The following SLC41A3 variants were observed in gnomAD, a reference collection of about 807,000 sequenced individuals.
The protein encoded by SLC41A3 is SLC41A1-like 2.
A neutral mutation model predicts 45.4 loss-of-function variants in SLC41A3; 44 were observed. That is an observed-to-expected ratio of 0.97 (90% CI 0.76 to 1.25). SLC41A3 has a LOEUF of 1.25. Among genes scored for constraint, SLC41A3 ranks in the 50% most tolerant of loss-of-function variants. SLC41A3 has a pLI of 0.00. For synonymous variants in SLC41A3, 256 were observed against 252.4 expected, an observed-to-expected ratio of 1.01 and a Z score of -0.13; for missense variants, 550 against 600.6, an observed-to-expected ratio of 0.92 and a Z score of 0.88.
chr3:126,070,834 A>AT (rs34899504), intron 1 of SLC41A3, among the ~76,000 whole-genome samples: 4,134 of 148,638 alleles, frequency 0.028, 168 homozygotes, highest in African/African-American at 0.092. Context: ...ACCTAGACAG[A>AT]TTTTTTTTTT....
intron 2 of SLC41A3, among the ~76,000 whole-genome samples, chr3:126,061,873 C>A (rs1419573465): frequency 6.6e-6 from 1 of 152,170 alleles, no homozygotes; most frequent in Non-Finnish European, 1.5e-5. Context: ...TCATCTCCTC[C>A]CACCCTAAAG....
At position 126,056,853 on chromosome 3, in the gene SLC41A3, C is replaced by T. The variant is rs933360153; in HGVS notation, c.274-5803G>A. On this transcript the variant is annotated intron_variant, in intron 2 of 10. Coordinates refer to ENST00000360370, the MANE Select transcript of SLC41A3 (RefSeq NM_017836.4). ...CCTCAGACAGTGGCTGTGTGTCCGC[C>T]GGGACCTCCCTCTGCCAGTCTGCCA... The T allele has an allele frequency of 8.3e-6, 10 of 1,200,068 alleles. No individual in the cohort carries two copies. The Admixed American group carries it at 1.5e-4, about 18-fold the overall frequency. 74.3% of individuals were successfully genotyped at this position (1,200,068 alleles called of 1,614,324 possible). A position where few individuals can be genotyped will look rare whatever the true frequency, so the allele number is the denominator to read the frequency against.
chr3:126,057,430 C>A (rs530274025), intron 2 of SLC41A3, among the ~76,000 whole-genome samples: 92 of 152,302 alleles, frequency 6.0e-4, no homozygotes, highest in African/African-American at 2.1e-3. Flanking sequence ...GTGTCCTCTG[C>A]GCATTCCACA....
intron 6 of SLC41A3, among the ~76,000 whole-genome samples, chr3:126,017,401 G>A (rs1168728086): frequency 1.3e-5 from 2 of 152,224 alleles, no homozygotes; most frequent in East Asian, 3.9e-4. Context: ...GGTCCTGGCT[G>A]AGGCCAGTCC....
chr3:126,034,130 C>T (rs576767887), intron 3 of SLC41A3, among the ~76,000 whole-genome samples: 16 of 152,318 alleles, frequency 1.1e-4, no homozygotes, highest in African/African-American at 3.6e-4. Flanking sequence ...TGGCCAGGTC[C>T]CCCTGCCACC....
intron 2 of SLC41A3, chr3:126,056,574 C>T: frequency 6.2e-7 from 1 of 1,608,260 alleles, no homozygotes; most frequent in South Asian, 1.1e-5. Flanking sequence ...GCACCACGAT[C>T]CCAGGAGCAC....
chr3:126,059,509 A>G (rs1421430947), intron 2 of SLC41A3, among the ~76,000 whole-genome samples: 3 of 152,044 alleles, frequency 2.0e-5, no homozygotes, highest in South Asian at 2.1e-4. Flanking sequence ...CTCACATTCT[A>G]TCATTTTCAC....
chr3:126,025,297 C>G (rs776729061), intron 5 of SLC41A3: 1 of 152,122 alleles, frequency 6.6e-6, no homozygotes, highest in Non-Finnish European at 1.5e-5. Context: ...ATCTGTCTCC[C>G]GTGTGTCGCA....
chr3:126,010,385 T>A lies in SLC41A3; in HGVS notation c.1106-1505A>T, dbSNP rs541032508. ...TACTTGGGAGGCTGAGGCAGGAGAA[T>A]CGCTTGAACCAGGGAGGTGGAGGTT... On this transcript the variant is annotated intron_variant, in intron 9 of 10. Coordinates refer to ENST00000360370, the MANE Select transcript of SLC41A3 (RefSeq NM_017836.4). Among the ~76,000 whole-genome samples, 157 of 152,210 alleles carry A rather than the reference T, an allele frequency of 1.0e-3. 1 individual carries two copies. Among genetic ancestry groups the A allele is most frequent in the African/African-American group, 3.6e-3 (150 of 41,532 alleles).
At chr3:126,055,463 G>A (rs1385029826) in intron 2 of SLC41A3, among the ~76,000 whole-genome samples, 4 of 152,092 alleles carry the variant, frequency 2.6e-5, no homozygotes, top group African/African-American at 9.7e-5. Flanking sequence ...GCAGTGAGCC[G>A]AGATCACGCC....
rs1331530752 is a variant in SLC41A3, at chr3:126,012,477, G to A, written c.1105+138C>T. The A allele has an allele frequency of 8.1e-6, 9 of 1,117,992 alleles. No homozygotes were observed. The East Asian group carries it at 1.9e-4, about 24-fold the overall frequency. 69.3% of individuals were successfully genotyped at this position (1,117,992 alleles called of 1,614,324 possible). ...GGCAGGGCCGGGGAGTCTCATTTCT[G>A]GGGCCCTGAAGGTGATGTGTGCCGA... is the stretch of plus-strand genomic sequence containing the variant. On this transcript the variant is annotated intron_variant, in intron 9 of 10. Coordinates refer to ENST00000360370, the MANE Select transcript of SLC41A3 (RefSeq NM_017836.4).
intron 2 of SLC41A3, among the ~76,000 whole-genome samples, chr3:126,051,341 T>C (rs981258136): frequency 1.6e-4 from 24 of 152,204 alleles, no homozygotes; most frequent in Non-Finnish European, 2.6e-4. Flanking sequence ...ATGGGTTCTC[T>C]AGAGGCATGC....
intron 3 of SLC41A3, among the ~76,000 whole-genome samples, chr3:126,048,592 T>G (rs533263401): frequency 6.6e-6 from 1 of 152,240 alleles, no homozygotes; most frequent in African/African-American, 2.4e-5. Context: ...TTACTTTCTT[T>G]TCCTAGTTTA....
chr3:126,092,655 G>C (rs1329745778), intron 1 of SLC41A3: 1 of 153,156 alleles, frequency 6.5e-6, no homozygotes, highest in Non-Finnish European at 1.5e-5. Flanking sequence ...GGTTGCCAGA[G>C]TGACGGTTGG....
intron 2 of SLC41A3, among the ~76,000 whole-genome samples, chr3:126,065,766 GA>G (rs1007502786): frequency 7.3e-5 from 11 of 150,952 alleles, no homozygotes; most frequent in African/African-American, 1.5e-4. Flanking sequence ...AAGATAAATG[GA>G]AAAAAAAGGA....
At chr3:126,099,567 C>CCAGG (rs1195636815) in intron 1 of SLC41A3, among the ~76,000 whole-genome samples, 1 of 152,052 alleles carries the variant, frequency 6.6e-6, no homozygotes, top group Non-Finnish European at 1.5e-5. Context: ...CAAAAATTAG[C>CCAGG]CAGGCACCTG....
Position 126,026,625 on chromosome 3 carries a change from C to G in SLC41A3, c.454-146G>C. The G allele has an allele frequency of 8.8e-7, 1 of 1,142,728 alleles. No homozygotes were observed. Among genetic ancestry groups the G allele is most frequent in the South Asian group, 1.6e-5 (1 of 62,626 alleles). The allele number at this position is 1,142,728 out of a possible 1,614,324, so 70.8% of individuals were successfully genotyped here. A position where few individuals can be genotyped will look rare whatever the true frequency, so the allele number is the denominator to read the frequency against. On this transcript the variant is annotated intron_variant, in intron 4 of 10. Coordinates refer to ENST00000360370, the MANE Select transcript of SLC41A3 (RefSeq NM_017836.4). The surrounding 1 kb of genome is among the most constrained non-coding windows in gnomAD (Gnocchi z 4.2). ...ACCCTAAAATCTCACAGGCCCTCAC[C>G]CCAGGAAAAACTAATACCACACCCC... is the stretch of plus-strand genomic sequence containing the variant.
intron 3 of SLC41A3, among the ~76,000 whole-genome samples, chr3:126,042,991 G>A (rs1209067395): frequency 2.7e-5 from 4 of 148,592 alleles, no homozygotes; most frequent in African/African-American, 1.0e-4. Flanking sequence ...AAGAAATGAT[G>A]GCCAAAAACT....
At chr3:126,022,309 G>C (rs1362237517) in intron 6 of SLC41A3, among the ~76,000 whole-genome samples, 5 of 152,214 alleles carry the variant, frequency 3.3e-5, no homozygotes, top group Non-Finnish European at 7.3e-5. Flanking sequence ...CTACTTCTCA[G>C]TATCAATTTT....
Sources: gnomAD v4.1 joint callset for allele counts (sites outside exome capture counted in the v4.1 genomes callset) on GRCh38, gnomAD v4.1.1 for gene constraint, Gnocchi (gnomAD v3.1) non-coding constraint, MANE v1.5 for transcripts, NCBI Gene and HGNC (gene_info 2026-07-23, HGNC 2026-07-21) for gene names.